Variants in MAF observed in about 807,000 individuals in gnomAD.
MAF encodes the protein transcription factor Maf.
MAF carries 10 observed loss-of-function variants against 22.0 expected under a neutral mutation model. That is an observed-to-expected ratio of 0.45 (90% CI 0.28 to 0.77). The LOEUF (loss-of-function observed/expected upper bound fraction) is 0.77. Ranked by LOEUF, MAF falls within the 30% of genes least tolerant of loss-of-function variation. MAF has a pLI of 0.12. For synonymous variants in MAF, 337 were observed against 255.8 expected (o/e 1.32, Z -3.03); for missense variants, 544 against 548.4 (o/e 0.99, Z 0.08).
chr16:79,464,166 T>A, the MAF span, among the ~76,000 whole-genome samples: 1 of 152,156 alleles, frequency 6.6e-6, no homozygotes, highest in Non-Finnish European at 1.5e-5. Flanking sequence ...CAATCATGCA[T>A]TGTGCAGAAC....
the MAF span, among the ~76,000 whole-genome samples, chr16:79,449,018 T>C: frequency 6.6e-6 from 1 of 152,090 alleles, no homozygotes. Flanking sequence ...AACCCCGAGA[T>C]TGTTTTCCTC....
the MAF span, among the ~76,000 whole-genome samples, chr16:79,296,576 G>A: frequency 1.6e-4 from 24 of 151,860 alleles, no homozygotes; most frequent in African/African-American, 5.6e-4. Context: ...TAGGCATTTC[G>A]GCAGCTTCCT....
the MAF span, among the ~76,000 whole-genome samples, chr16:79,356,400 C>T: frequency 7.2e-5 from 11 of 152,286 alleles, no homozygotes; most frequent in South Asian, 6.2e-4. Flanking sequence ...ACCAATGCAG[C>T]GCTTTTCTGG....
the MAF span, among the ~76,000 whole-genome samples, chr16:79,256,705 T>C: frequency 1.3e-5 from 2 of 152,302 alleles, no homozygotes; most frequent in African/African-American, 4.8e-5. Flanking sequence ...TCCATGTCTG[T>C]TCACCGGCAC....
the MAF span, among the ~76,000 whole-genome samples, chr16:79,496,253 G>C: frequency 6.6e-6 from 1 of 152,162 alleles, no homozygotes; most frequent in Admixed American, 6.5e-5. Context: ...AGAGAATAGG[G>C]AATTCCAGAG....
the MAF span, among the ~76,000 whole-genome samples, chr16:79,515,049 G>T: frequency 6.6e-6 from 1 of 152,136 alleles, no homozygotes; most frequent in Non-Finnish European, 1.5e-5. Flanking sequence ...TCAAACCTCC[G>T]CTCACACCTT....
At chr16:79,448,487 G>A in the MAF span, among the ~76,000 whole-genome samples, 1 of 151,600 alleles carries the variant, frequency 6.6e-6, no homozygotes, top group African/African-American at 2.4e-5. Flanking sequence ...GTACGGTGGT[G>A]CGACCTAGGC....
At chr16:79,574,662 C>T in the MAF span, among the ~76,000 whole-genome samples, 2 of 152,194 alleles carry the variant, frequency 1.3e-5, no homozygotes, top group African/African-American at 4.8e-5. Flanking sequence ...ATGTGACCTA[C>T]CCAGGTCACA....
At chr16:79,472,885 C>G in the MAF span, among the ~76,000 whole-genome samples, 151 of 152,050 alleles carry the variant, frequency 9.9e-4, no homozygotes, top group Non-Finnish European at 1.8e-3. Context: ...GAGTTCCTGT[C>G]CTGGAGAGAT....
At chr16:79,480,345 T>C in the MAF span, among the ~76,000 whole-genome samples, 1 of 152,116 alleles carries the variant, frequency 6.6e-6, no homozygotes, top group Admixed American at 6.5e-5. Context: ...TTCATTCTTT[T>C]GCAAAATACA....
the MAF span, among the ~76,000 whole-genome samples, chr16:79,510,150 T>A: frequency 6.6e-6 from 1 of 152,182 alleles, no homozygotes; most frequent in African/African-American, 2.4e-5. Context: ...GTACAACAAC[T>A]GTGTTTATCC....
the MAF span, among the ~76,000 whole-genome samples, chr16:79,419,853 T>G: frequency 6.6e-6 from 1 of 152,136 alleles, no homozygotes; most frequent in East Asian, 1.9e-4. Flanking sequence ...TAACCACCCT[T>G]ACTTTGCAAA....
the MAF span, among the ~76,000 whole-genome samples, chr16:79,322,966 C>A: frequency 3.3e-5 from 5 of 151,172 alleles, no homozygotes; most frequent in Non-Finnish European, 7.4e-5. Context: ...CTGGTTAACA[C>A]GATGAAACCC....
the MAF span, among the ~76,000 whole-genome samples, chr16:79,355,517 C>T: frequency 6.6e-6 from 1 of 152,226 alleles, no homozygotes; most frequent in Admixed American, 6.5e-5. Flanking sequence ...GAATTTGGTG[C>T]TGGAGGACCA....
At chr16:79,401,755 G>A in the MAF span, among the ~76,000 whole-genome samples, 11 of 152,144 alleles carry the variant, frequency 7.2e-5, no homozygotes, top group Admixed American at 3.3e-4. Context: ...AGCAATTAGT[G>A]GCTATCATAC....
At chr16:79,341,191 G>A in the MAF span, among the ~76,000 whole-genome samples, 5 of 152,216 alleles carry the variant, frequency 3.3e-5, no homozygotes, top group Non-Finnish European at 7.3e-5. Flanking sequence ...TAAGGAGTTT[G>A]GATTTTATTT....
At chr16:79,525,181 C>G in the MAF span, among the ~76,000 whole-genome samples, 1 of 152,080 alleles carries the variant, frequency 6.6e-6, no homozygotes, top group African/African-American at 2.4e-5. Flanking sequence ...GCAATCTATT[C>G]TTTTCCCCTG....
the MAF span, among the ~76,000 whole-genome samples, chr16:79,556,502 T>G: frequency 1.3e-5 from 2 of 152,182 alleles, no homozygotes; most frequent in African/African-American, 4.8e-5. Context: ...AGAAGGAGAC[T>G]GTAAGCTGAG....
the MAF span, among the ~76,000 whole-genome samples, chr16:79,227,631 C>T: frequency 3.3e-5 from 5 of 151,876 alleles, no homozygotes; most frequent in Non-Finnish European, 4.4e-5. Flanking sequence ...CCCCATTCTA[C>T]GTTTTGTTTT....
Sources: gnomAD v4.1 joint callset for allele counts (sites outside exome capture counted in the v4.1 genomes callset) on GRCh38, gnomAD v4.1.1 for gene constraint, MANE v1.5 for transcripts, NCBI Gene and HGNC (gene_info 2026-07-23, HGNC 2026-07-21) for gene names.